The following PCDHGA7 variants were observed in gnomAD, a reference collection of about 807,000 sequenced individuals.
The protein encoded by PCDHGA7 is protocadherin gamma-A7.
A neutral mutation model predicts 58.3 loss-of-function variants in PCDHGA7; 44 were observed. That is an observed-to-expected ratio of 0.75 (90% CI 0.59 to 0.97). PCDHGA7 has a LOEUF of 0.97. PCDHGA7 is among the 50% of genes least tolerant of loss of function. The probability of loss-of-function intolerance (pLI) is 0.00; values close to 1 mark genes in which losing one functional copy is unlikely to be tolerated. For missense variants in PCDHGA7, 1,266 were observed against 1,188.7 expected, an observed-to-expected ratio of 1.06 and a Z score of -0.96; for synonymous variants, 516 against 504.2, an observed-to-expected ratio of 1.02 and a Z score of -0.31.
chr5:141,404,043 C>G (rs781644500), intron 1 of PCDHGA7: 1 of 1,613,726 alleles, frequency 6.2e-7, no homozygotes, highest in African/African-American at 1.3e-5. Flanking sequence ...CCTCAGGGAA[C>G]AGTAATTCTT....
At chr5:141,430,179 A>G (rs2097264770) in intron 1 of PCDHGA7, among the ~76,000 whole-genome samples, 1 of 152,158 alleles carries the variant, frequency 6.6e-6, no homozygotes, top group Admixed American at 6.5e-5. Flanking sequence ...ATTTTCCCCA[A>G]ATTATAGCTG....
chr5:141,457,054 T>C (rs1410535170), intron 1 of PCDHGA7, among the ~76,000 whole-genome samples: 1 of 152,242 alleles, frequency 6.6e-6, no homozygotes, highest in Non-Finnish European at 1.5e-5. Context: ...ACTTTCATGC[T>C]TCCTTTTTGC....
rs1199102847 is a variant in PCDHGA7, at chr5:141,477,997, A to G, written c.2425-16810A>G. 2 of 1,614,112 alleles carry G rather than the reference A, an allele frequency of 1.2e-6. No individual in the cohort carries two copies. Among genetic ancestry groups the G allele is most frequent in the Non-Finnish European group, 1.7e-6 (2 of 1,180,016 alleles). On this transcript the variant is annotated intron_variant, in intron 1 of 3. Coordinates refer to ENST00000518325, the MANE Select transcript of PCDHGA7 (RefSeq NM_018920.4). This position sits in a 1 kb window ranked among gnomAD's most constrained non-coding sequence, Gnocchi z 4.9. ...TTGCCATAGGGCTGCACACTGGTCAAATCAGTACTGCCCGTCCAGTCCAAG... is the reference window on the plus strand; with the variant it reads ...TTGCCATAGGGCTGCACACTGGTCAGATCAGTACTGCCCGTCCAGTCCAAG...
intron 1 of PCDHGA7, chr5:141,393,678 A>T: frequency 6.2e-7 from 1 of 1,613,904 alleles, no homozygotes; most frequent in Non-Finnish European, 8.5e-7. Context: ...TGAAAAACAA[A>T]CTCCGTTATT....
chr5:141,487,397 G>C lies in PCDHGA7; in HGVS notation c.2425-7410G>C. On this transcript the variant is annotated intron_variant, in intron 1 of 3. Coordinates refer to ENST00000518325, the MANE Select transcript of PCDHGA7 (RefSeq NM_018920.4). The surrounding 1 kb of genome is among the most constrained non-coding windows in gnomAD (Gnocchi z 5.0). ...TCTCACCAGATCTCGAAGGAGGGAG[G>C]GGCTTCCCCCTTCCAATGGGATCCT... The C allele has an allele frequency of 6.2e-7, 1 of 1,614,062 alleles. No homozygotes were observed. The highest frequency in any genetic ancestry group is 8.5e-7 in the Non-Finnish European group (1 of 1,180,008).
chr5:141,418,840 C>G, intron 1 of PCDHGA7: 1 of 1,614,006 alleles, frequency 6.2e-7, no homozygotes. Flanking sequence ...GAGGATCTCT[C>G]TCAACACGGT....
intron 1 of PCDHGA7, chr5:141,410,053 C>T: frequency 6.2e-7 from 1 of 1,613,160 alleles, no homozygotes; most frequent in African/African-American, 1.3e-5. Context: ...CCGGACTCTT[C>T]AGCCTGGGGC....
rs2099403992 is a variant in PCDHGA7, at chr5:141,477,030, C to T, written c.2425-17777C>T. On this transcript the variant is annotated intron_variant, in intron 1 of 3. Transcript: ENST00000518325. This position sits in a 1 kb window ranked among gnomAD's most constrained non-coding sequence, Gnocchi z 4.9. ...TTAGACCTTGTAACCGGGATGCTGACAATCAAGGGTCGGCTGGACTTCGAG... is the reference window on the plus strand; with the variant it reads ...TTAGACCTTGTAACCGGGATGCTGATAATCAAGGGTCGGCTGGACTTCGAG... The T allele has an allele frequency of 1.2e-6, 2 of 1,614,272 alleles. No homozygotes were observed. The highest frequency in any genetic ancestry group is 1.6e-4 in the Middle Eastern group (1 of 6,062).
chr5:141,420,238 T>C, intron 1 of PCDHGA7: 2 of 1,594,838 alleles, frequency 1.3e-6, no homozygotes, highest in South Asian at 1.1e-5. Context: ...GCATTTTAAC[T>C]CCCAGCGTTG....
intron 1 of PCDHGA7, among the ~76,000 whole-genome samples, chr5:141,463,545 T>C (rs1433047951): frequency 6.8e-6 from 1 of 146,704 alleles, no homozygotes; most frequent in East Asian, 2.1e-4. Flanking sequence ...GGCTCCCGGG[T>C]TCATGCCATT....
At position 141,403,226 on chromosome 5, in the gene PCDHGA7, CG is replaced by C. The variant is rs539681713; in HGVS notation, c.2424+17906del. On this transcript the variant is annotated intron_variant, in intron 1 of 3. Transcript: ENST00000518325. Reference sequence around the variant, plus strand: ...CTTGGTCACCGCGGGTAGGATAGACCGGGAGGAGCTCTGTGCTCAGAGCCCG... The same window carrying C: ...CTTGGTCACCGCGGGTAGGATAGACCGGAGGAGCTCTGTGCTCAGAGCCCG... 1.5e-3 allele frequency: 2,492 copies of C among 1,613,926 alleles called. 3 individuals are homozygous for C. The highest frequency in any genetic ancestry group is 1.8e-3 in the Non-Finnish European group (2,143 of 1,179,902).
intron 1 of PCDHGA7, chr5:141,415,308 C>G (rs2154545628): frequency 6.2e-7 from 1 of 1,614,236 alleles, no homozygotes; most frequent in Non-Finnish European, 8.5e-7. Context: ...TCCTGGCCTT[C>G]GTCATCGTGC....
intron 2 of PCDHGA7, among the ~76,000 whole-genome samples, chr5:141,496,116 C>G (rs1435887981): frequency 6.6e-6 from 1 of 152,178 alleles, no homozygotes; most frequent in Middle Eastern, 3.4e-3. Flanking sequence ...TCTCTTCCTT[C>G]CCTGCCCCTC....
At chr5:141,481,282 T>C (rs2099534931) in intron 1 of PCDHGA7, among the ~76,000 whole-genome samples, 1 of 152,148 alleles carries the variant, frequency 6.6e-6, no homozygotes, top group African/African-American at 2.4e-5. Flanking sequence ...CATAAAATGG[T>C]ATTTCAGTCA....
intron 1 of PCDHGA7, among the ~76,000 whole-genome samples, chr5:141,474,143 TATC>T (rs1371874237): frequency 1.3e-5 from 2 of 152,188 alleles, no homozygotes; most frequent in Non-Finnish European, 2.9e-5. Context: ...CAGGCCTTAT[TATC>T]AAGAAAATGA....
intron 1 of PCDHGA7, among the ~76,000 whole-genome samples, chr5:141,449,345 T>C (rs2154562594): frequency 1.3e-5 from 2 of 151,644 alleles, no homozygotes; most frequent in South Asian, 4.2e-4. Context: ...AGTGGCTCAC[T>C]CCTGTAATCC....
Position 141,385,330 on chromosome 5 carries a change from C to A in PCDHGA7, c.2424+7C>A, listed in dbSNP as rs1183163204. 6.3e-7 allele frequency: 1 copy of A among 1,583,780 alleles called. No individual in the cohort carries two copies. Among genetic ancestry groups the A allele is most frequent in the East Asian group, 2.2e-5 (1 of 44,580 alleles). On this transcript the variant is annotated splice_region_variant and intron_variant, in intron 1 of 3. Coordinates refer to ENST00000518325, the MANE Select transcript of PCDHGA7 (RefSeq NM_018920.4). Reference sequence around the variant, plus strand: ...AAACCTGCCAAGTATTCAGGTGAGCCCAGCCCTTCCTTTATTTCCATGAGG... The same window carrying A: ...AAACCTGCCAAGTATTCAGGTGAGCACAGCCCTTCCTTTATTTCCATGAGG...
At chr5:141,488,069 C>T (rs1197698273) in intron 1 of PCDHGA7, among the ~76,000 whole-genome samples, 1 of 152,072 alleles carries the variant, frequency 6.6e-6, no homozygotes, top group Non-Finnish European at 1.5e-5. Context: ...ATCTTTGTCT[C>T]CCAGTATCTA....
At chr5:141,390,266 A>C in intron 1 of PCDHGA7, 2 of 1,614,010 alleles carry the variant, frequency 1.2e-6, no homozygotes, top group East Asian at 4.5e-5. Context: ...ATTCCAGTGA[A>C]TTGACTTCCC....
Sources: allele counts gnomAD v4.1 joint callset (sites outside exome capture counted in the v4.1 genomes callset), GRCh38; gene constraint gnomAD v4.1.1; non-coding constraint Gnocchi (gnomAD v3.1); transcripts MANE v1.5; gene names NCBI Gene and HGNC (gene_info 2026-07-23, HGNC 2026-07-21).